Variants in C10orf105 observed in about 807,000 individuals in gnomAD.
C10orf105 encodes uncharacterized protein C10orf105.
C10orf105 carries 2 observed loss-of-function variants against 0.6 expected under a neutral mutation model. That is an observed-to-expected ratio of 3.18 (90% CI 1.30 to 10.01). The LOEUF (loss-of-function observed/expected upper bound fraction) is 10.01, where lower values mean the gene tolerates loss of function less well. C10orf105 is among the 30% of genes most tolerant of loss of function. C10orf105 has a pLI of 0.04. For missense variants in C10orf105, 209 were observed against 191.4 expected, an observed-to-expected ratio of 1.09 and a Z score of -0.54; for synonymous variants, 95 against 82.4, an observed-to-expected ratio of 1.15 and a Z score of -0.83.
At chr10:71,723,533 T>C (rs1258256859), upstream of C10orf105, among the ~76,000 whole-genome samples, 3 of 152,108 alleles carry the variant, frequency 2.0e-5, no homozygotes, top group Non-Finnish European at 2.9e-5. Context: ...ATGGAGCCAT[T>C]GTGTGGGAGG....
Position 71,713,437 on chromosome 10 carries a change from G to A in C10orf105, c.*2499C>T. The A allele has an allele frequency of 5.0e-6, 3 of 600,916 alleles. No homozygotes were observed. In the South Asian group the frequency reaches 6.0e-5, roughly 12 times the overall value. The allele number at this position is 600,916 out of a possible 1,614,324, so 37.2% of individuals were successfully genotyped here. On this transcript the variant is annotated 3_prime_UTR_variant, in exon 2 of 2. Transcript: ENST00000441508. ...ATGGGGTTTCCGACTCGGAGGCTGA[G>A]CCAAACAGGGAATCTGGGCCTGCCC... is the stretch of plus-strand genomic sequence containing the variant.
chr10:71,725,566 A>G, intron 1 of C10orf105: 3 of 1,588,656 alleles, frequency 1.9e-6, no homozygotes, highest in East Asian at 2.3e-5. Flanking sequence ...GACGGGGCCA[A>G]GCCCACAGCT....
At chr10:71,726,421 T>G (rs545117273) in intron 1 of C10orf105, among the ~76,000 whole-genome samples, 1 of 152,308 alleles carries the variant, frequency 6.6e-6, no homozygotes, top group East Asian at 1.9e-4. Context: ...ACAAACACGA[T>G]GGGTCTGATT....
intron 1 of C10orf105, chr10:71,734,213 C>T: frequency 6.3e-7 from 1 of 1,576,252 alleles, no homozygotes; most frequent in Non-Finnish European, 8.6e-7. Context: ...GATGTTGTCA[C>T]TCACCCATCT....
chr10:71,720,600 C>T (rs1589371606), upstream of C10orf105, among the ~76,000 whole-genome samples: 1 of 152,192 alleles, frequency 6.6e-6, no homozygotes, highest in African/African-American at 2.4e-5. Flanking sequence ...TGGCCCTGTC[C>T]AAGACCTGAG....
intron 1 of C10orf105, chr10:71,732,199 G>T (rs751689438): frequency 6.2e-7 from 1 of 1,613,860 alleles, no homozygotes; most frequent in Non-Finnish European, 8.5e-7. Context: ...GCTGGACGAG[G>T]CCGTGCAGTT....
At chr10:71,731,698 A>C (rs1839393724) in intron 1 of C10orf105, among the ~76,000 whole-genome samples, 1 of 152,166 alleles carries the variant, frequency 6.6e-6, no homozygotes, top group East Asian at 1.9e-4. Context: ...AGGGAGGTAC[A>C]TGAGCTTGAA....
rs1190449421 is a variant in C10orf105 at position 71,712,157 on chromosome 10, C to T, written c.*3779G>A. On this transcript the variant is annotated 3_prime_UTR_variant, in exon 2 of 2. Transcript: ENST00000441508. The stretch of plus-strand genomic sequence containing the variant: ...TGCCTCCATCTGCATGTGGCCTCCT[C>T]CTCTCTGTCTCAAATGTCCCTCTGC... The T allele has an allele frequency of 6.4e-6, 1 of 155,806 alleles. No individual in the cohort carries two copies. Among genetic ancestry groups the T allele is most frequent in the Non-Finnish European group, 1.4e-5 (1 of 70,002 alleles). 9.7% of individuals were successfully genotyped at this position (155,806 alleles called of 1,614,324 possible).
At chr10:71,734,667 C>G in intron 1 of C10orf105, 1 of 1,432,966 alleles carries the variant, frequency 7.0e-7, no homozygotes, top group Non-Finnish European at 9.4e-7. Flanking sequence ...AGGTGAGTAG[C>G]CTGTGGCTGG....
chr10:71,729,648 T>C (rs1373723346), intron 1 of C10orf105, among the ~76,000 whole-genome samples: 1 of 152,178 alleles, frequency 6.6e-6, no homozygotes, highest in Non-Finnish European at 1.5e-5. Flanking sequence ...GGTGCACAAG[T>C]AAAGAGTACT....
At chr10:71,733,263 G>C (rs1217302112) in intron 1 of C10orf105, among the ~76,000 whole-genome samples, 1 of 152,156 alleles carries the variant, frequency 6.6e-6, no homozygotes, top group Non-Finnish European at 1.5e-5. Flanking sequence ...CCAGAGCTTC[G>C]GTGCCCTCCT....
intron 1 of C10orf105, chr10:71,717,970 G>A (rs1267491243): frequency 6.6e-6 from 1 of 152,210 alleles, no homozygotes; most frequent in African/African-American, 2.4e-5. Flanking sequence ...ATAAGCAGAG[G>A]ACGTCCAGCT....
Position 71,712,101 on chromosome 10 carries a change from C to T in C10orf105, c.*3835G>A, listed in dbSNP as rs915142298. On this transcript the variant is annotated 3_prime_UTR_variant, in exon 2 of 2. Transcript: ENST00000441508. Reference sequence around the variant, plus strand: ...CCAGTTTCTGGAGTCGCTAGGCATTCGGTGGCTTGTGGCAGCATAACTCCA... The same window carrying T: ...CCAGTTTCTGGAGTCGCTAGGCATTTGGTGGCTTGTGGCAGCATAACTCCA... 6 of 153,736 alleles carry T rather than the reference C, an allele frequency of 3.9e-5. No homozygotes were observed. The highest frequency in any genetic ancestry group is 8.7e-5 in the Non-Finnish European group (6 of 69,014). 9.5% of individuals were successfully genotyped at this position (153,736 alleles called of 1,614,324 possible).
intron 1 of C10orf105, among the ~76,000 whole-genome samples, chr10:71,726,360 G>A (rs1866810771): frequency 6.6e-6 from 1 of 152,154 alleles, no homozygotes; most frequent in Admixed American, 6.5e-5. Context: ...TCCACCCCCT[G>A]CTTCCCCCAG....
intron 1 of C10orf105, chr10:71,725,504 T>C (rs1364310315): frequency 1.2e-6 from 2 of 1,613,436 alleles, no homozygotes; most frequent in South Asian, 1.1e-5. Context: ...CTGGGCCCCA[T>C]GCGGAGCTCC....
chr10:71,719,363 C>T lies in C10orf105; in HGVS notation c.-6+264G>A, dbSNP rs1835260918. 2.6e-5 allele frequency among the ~76,000 whole-genome samples: 4 copies of T among 152,334 alleles called. No homozygotes were observed. In the South Asian group the frequency reaches 8.3e-4, roughly 32 times the overall value. ...GGCCAGGGTGCACCAGCGGGCCCTG[C>T]TCTGGACATATCTCTGCAAGCTCAG... On this transcript the variant is annotated intron_variant, in intron 1 of 1. Transcript: ENST00000441508.
At chr10:71,730,161 T>C (rs1288025988) in intron 1 of C10orf105, among the ~76,000 whole-genome samples, 2 of 152,128 alleles carry the variant, frequency 1.3e-5, no homozygotes, top group African/African-American at 4.8e-5. Flanking sequence ...ATATTACCAC[T>C]TTATAGCTGG....
chr10:71,725,294 C>T (rs1451556235), intron 1 of C10orf105: 52 of 1,603,368 alleles, frequency 3.2e-5, no homozygotes, highest in Admixed American at 2.8e-4. Context: ...GAACTTCTGC[C>T]CCCAACCATG....
upstream of C10orf105, among the ~76,000 whole-genome samples, chr10:71,723,156 G>A (rs545782515): frequency 6.6e-6 from 1 of 152,302 alleles, no homozygotes; most frequent in South Asian, 2.1e-4. Context: ...AGAGCCCAGG[G>A]CCTTACAAAG....
Sources: gnomAD v4.1 joint callset for allele counts (sites outside exome capture counted in the v4.1 genomes callset) on GRCh38, gnomAD v4.1.1 for gene constraint, MANE v1.5 for transcripts, NCBI Gene and HGNC (gene_info 2026-07-23, HGNC 2026-07-21) for gene names.